The following CCSER1 variants were observed in gnomAD, a reference collection of about 807,000 sequenced individuals.
CCSER1 encodes the protein coiled-coil serine rich protein 1.
Under a neutral mutation model 82.0 loss-of-function variants are expected in CCSER1, and 41 were observed. That is an observed-to-expected ratio of 0.50 (90% confidence interval 0.39 to 0.65). The LOEUF (loss-of-function observed/expected upper bound fraction) is 0.65, where lower values mean the gene tolerates loss of function less well. CCSER1 is among the 30% of genes least tolerant of loss of function. The probability of loss-of-function intolerance (pLI) is 0.00; values close to 1 mark genes in which losing one functional copy is unlikely to be tolerated. For synonymous variants in CCSER1, 414 were observed against 383.9 expected (o/e 1.08, Z -0.92); for missense variants, 1,119 against 1,064.2 (o/e 1.05, Z -0.72).
intron 3 of CCSER1, among the ~76,000 whole-genome samples, chr4:90,390,353 GCT>G (rs1450443152): frequency 6.6e-6 from 1 of 152,154 alleles, no homozygotes; most frequent in Non-Finnish European, 1.5e-5. Context: ...GTATCATGAT[GCT>G]GAGGTCTGAG....
intron 10 of CCSER1, among the ~76,000 whole-genome samples, chr4:91,094,631 G>A (rs753914874): frequency 9.2e-5 from 14 of 152,236 alleles, no homozygotes; most frequent in Non-Finnish European, 1.5e-4. Context: ...TCTGGGAACC[G>A]GATACTGCTT....
chr4:90,610,273 A>G (rs1400027567), intron 5 of CCSER1, among the ~76,000 whole-genome samples: 5 of 150,454 alleles, frequency 3.3e-5, no homozygotes, highest in Non-Finnish European at 5.9e-5. Flanking sequence ...ATAAATAAAT[A>G]AATAAATAAA....
chr4:90,750,143 G>GT (rs1391755519), intron 7 of CCSER1, among the ~76,000 whole-genome samples: 2 of 151,624 alleles, frequency 1.3e-5, no homozygotes, highest in South Asian at 2.1e-4. Flanking sequence ...GGGGTTGTTT[G>GT]TTTTTTTCTT....
chr4:90,716,825 C>T (rs1033607713), intron 6 of CCSER1, among the ~76,000 whole-genome samples: 7 of 152,146 alleles, frequency 4.6e-5, no homozygotes, highest in African/African-American at 1.4e-4. Flanking sequence ...TTCTCTTCAT[C>T]ATTAAGCAAC....
intron 10 of CCSER1, among the ~76,000 whole-genome samples, chr4:91,378,785 A>G (rs911125845): frequency 1.6e-4 from 25 of 152,218 alleles, no homozygotes; most frequent in African/African-American, 5.5e-4. Context: ...TTCCAACCCT[A>G]TGTTGAATAG....
At chr4:90,269,142 A>C (rs901882218) in intron 1 of CCSER1, among the ~76,000 whole-genome samples, 4 of 152,136 alleles carry the variant, frequency 2.6e-5, no homozygotes, top group Non-Finnish European at 4.4e-5. Context: ...TCCAGTTGGA[A>C]AACTAGCAAA....
Position 91,027,400 on chromosome 4 carries a change from A to G in CCSER1, c.2173-58550A>G, listed in dbSNP as rs1268010108. Among the ~76,000 whole-genome samples the G allele has an allele frequency of 4.6e-5, 7 of 152,128 alleles. No homozygotes were observed. The East Asian group carries it at 9.7e-4, about 21-fold the overall frequency. The stretch of plus-strand genomic sequence containing the variant: ...TACTTTTTTCATTAAGAAAATTGCA[A>G]TTATTTTCAAGATATCATAACAGGT... On this transcript the variant is annotated intron_variant, in intron 9 of 10. Transcript: ENST00000509176.
intron 1 of CCSER1, among the ~76,000 whole-genome samples, chr4:90,296,013 A>C (rs909227178): frequency 6.6e-6 from 1 of 152,078 alleles, no homozygotes; most frequent in Non-Finnish European, 1.5e-5. Flanking sequence ...ATAAAAAAAA[A>C]CAACTGCTCT....
At chr4:91,155,932 A>G (rs915714034) in intron 10 of CCSER1, among the ~76,000 whole-genome samples, 2 of 151,850 alleles carry the variant, frequency 1.3e-5, no homozygotes, top group Non-Finnish European at 2.9e-5. Flanking sequence ...CACTGATATT[A>G]AGAAATACTA....
chr4:91,454,695 A>T (rs1002126088), intron 10 of CCSER1, among the ~76,000 whole-genome samples: 17 of 152,020 alleles, frequency 1.1e-4, no homozygotes, highest in African/African-American at 4.1e-4. Context: ...TTAATTGTAA[A>T]TTACTAAGTT....
chr4:90,631,582 G>T (rs1376097451), intron 6 of CCSER1, among the ~76,000 whole-genome samples: 3 of 152,164 alleles, frequency 2.0e-5, no homozygotes, highest in South Asian at 4.1e-4. Context: ...ATGACTAGCG[G>T]CTAGAAGGAT....
At chr4:90,183,526 T>G (rs1206155074) in intron 1 of CCSER1, among the ~76,000 whole-genome samples, 1 of 152,012 alleles carries the variant, frequency 6.6e-6, no homozygotes, top group East Asian at 1.9e-4. Flanking sequence ...TCAGTGCTGC[T>G]CTCCCACAGT....
intron 9 of CCSER1, among the ~76,000 whole-genome samples, chr4:91,021,545 G>A (rs930546191): frequency 6.6e-6 from 1 of 152,106 alleles, no homozygotes; most frequent in Non-Finnish European, 1.5e-5. Context: ...ATGAGTCAAA[G>A]TATAATTATT....
At chr4:90,954,200 A>T (rs1733201110) in intron 9 of CCSER1, among the ~76,000 whole-genome samples, 1 of 152,088 alleles carries the variant, frequency 6.6e-6, no homozygotes, top group South Asian at 2.1e-4. Flanking sequence ...TGACTACATG[A>T]AACAAAATTT....
chr4:90,675,730 TTTTTTTTTTA>T (rs1733764920), intron 6 of CCSER1, among the ~76,000 whole-genome samples: 1 of 974 alleles, frequency 1.0e-3, no homozygotes, highest in Non-Finnish European at 2.1e-3. Context: ...TTTTTTTTTT[TTTTTTTTTTA>T]TTATACTCTA....
At chr4:90,571,613 G>GGGC (rs1299495716) in intron 5 of CCSER1, among the ~76,000 whole-genome samples, 1 of 152,074 alleles carries the variant, frequency 6.6e-6, no homozygotes, top group Non-Finnish European at 1.5e-5. Context: ...GGAGGAACGG[G>GGGC]GGCAAGTGCT....
chr4:90,357,503 A>C (rs1455519367), intron 3 of CCSER1, among the ~76,000 whole-genome samples: 1 of 152,002 alleles, frequency 6.6e-6, no homozygotes, highest in Admixed American at 6.6e-5. Context: ...ACATAGTAAA[A>C]TTGTTACACG....
intron 6 of CCSER1, among the ~76,000 whole-genome samples, chr4:90,698,703 G>A (rs1421372916): frequency 6.6e-6 from 1 of 152,164 alleles, no homozygotes; most frequent in Admixed American, 6.6e-5. Context: ...TGACTTGTTA[G>A]AGGCTTGTGA....
At chr4:90,499,229 A>T (rs757623903) in intron 5 of CCSER1, among the ~76,000 whole-genome samples, 1 of 151,936 alleles carries the variant, frequency 6.6e-6, no homozygotes, top group East Asian at 1.9e-4. Context: ...TTAATTTGGT[A>T]CTGTCTTTTA....
Sources: allele counts gnomAD v4.1 joint callset (sites outside exome capture counted in the v4.1 genomes callset), GRCh38; gene constraint gnomAD v4.1.1; transcripts MANE v1.5; gene names NCBI Gene and HGNC (gene_info 2026-07-23, HGNC 2026-07-21).